Variants in GABRB3 observed in about 807,000 individuals in gnomAD.
GABRB3 encodes the protein gamma-aminobutyric acid receptor subunit beta-3.
GABRB3 carries 14 observed loss-of-function variants against 52.1 expected under a neutral mutation model. That is an observed-to-expected ratio of 0.27 (90% CI 0.18 to 0.42). GABRB3 has a LOEUF of 0.42. GABRB3 is among the 10% of genes least tolerant of loss of function. The pLI is 1.00. For synonymous variants in GABRB3, 260 were observed against 232.3 expected (o/e 1.12, Z -1.08); for missense variants, 307 against 609.1 (o/e 0.50, Z 5.22).
At chr15:26,701,608 T>C (rs1486980603) in intron 3 of GABRB3, among the ~76,000 whole-genome samples, 3 of 152,206 alleles carry the variant, frequency 2.0e-5, no homozygotes, top group East Asian at 1.9e-4. Context: ...TGGAGAGATA[T>C]GCCATGTTCA....
chr15:26,629,891 A>G (rs569031451), intron 3 of GABRB3, among the ~76,000 whole-genome samples: 48 of 152,244 alleles, frequency 3.2e-4, no homozygotes, highest in African/African-American at 1.0e-3. Flanking sequence ...ACGTGTCTCC[A>G]TAGCCCTGGG....
At chr15:26,591,752 T>C (rs1200215434) in intron 4 of GABRB3, among the ~76,000 whole-genome samples, 3 of 151,898 alleles carry the variant, frequency 2.0e-5, no homozygotes, top group Admixed American at 6.6e-5. Flanking sequence ...CACTTGGGGG[T>C]TTCACAATCT....
At chr15:26,679,258 T>C (rs1888164115) in intron 3 of GABRB3, among the ~76,000 whole-genome samples, 2 of 152,322 alleles carry the variant, frequency 1.3e-5, no homozygotes, top group East Asian at 3.9e-4. Flanking sequence ...CCTCACTCAC[T>C]GAGCAATGTG....
chr15:26,773,324 CG>C (rs1056274349), upstream of GABRB3, among the ~76,000 whole-genome samples: 122 of 150,706 alleles, frequency 8.1e-4, no homozygotes, highest in African/African-American at 2.7e-3. Context: ...CCGCGGAGTG[CG>C]GGGGCGACCT....
At chr15:26,623,261 G>T (rs1892556989) in intron 3 of GABRB3, among the ~76,000 whole-genome samples, 1 of 152,198 alleles carries the variant, frequency 6.6e-6, no homozygotes, top group Admixed American at 6.5e-5. Flanking sequence ...AGTCAGGCTA[G>T]ACCCCAGGGC....
upstream of GABRB3, chr15:26,773,098 G>T: frequency 1.1e-6 from 1 of 873,522 alleles, no homozygotes; most frequent in Non-Finnish European, 1.4e-6. Flanking sequence ...GAGGGGGAGG[G>T]GAGGAGGGGG....
rs971806720 is a variant in GABRB3, at chr15:26,546,498, C to T, written c.*1295G>A. ...TTTGCCTCAGAGAACGGTCATGGGT[C>T]GTTGGGTGACGCGTGGTGTGTACGG... On this transcript the variant is annotated 3_prime_UTR_variant, in exon 9 of 9. Transcript: ENST00000311550. 2.0e-5 allele frequency: 3 copies of T among 152,382 alleles called. No homozygotes were observed. The highest frequency in any genetic ancestry group is 7.3e-5 in the African/African-American group (3 of 41,372). The allele number at this position is 152,382 out of a possible 1,614,324, so 9.4% of individuals were successfully genotyped here. A position where few individuals can be genotyped will look rare whatever the true frequency, so the allele number is the denominator to read the frequency against.
chr15:26,695,771 T>C (rs1479856854), intron 3 of GABRB3, among the ~76,000 whole-genome samples: 1 of 152,204 alleles, frequency 6.6e-6, no homozygotes, highest in South Asian at 2.1e-4. Flanking sequence ...GTTTGGTGAC[T>C]ACAGCTTCTG....
chr15:26,572,265 G>A (rs942069503), intron 6 of GABRB3, among the ~76,000 whole-genome samples: 1 of 152,162 alleles, frequency 6.6e-6, no homozygotes, highest in Non-Finnish European at 1.5e-5. Flanking sequence ...AAGCTGTGGC[G>A]TGCACTATCC....
intron 3 of GABRB3, among the ~76,000 whole-genome samples, chr15:26,753,408 A>C (rs1435111827): frequency 6.6e-6 from 1 of 152,242 alleles, no homozygotes; most frequent in South Asian, 2.1e-4. Context: ...CTGGGAAAAA[A>C]GGAGCGGTCT....
intron 3 of GABRB3, among the ~76,000 whole-genome samples, chr15:26,667,329 T>C (rs1363703732): frequency 1.3e-5 from 2 of 152,244 alleles, no homozygotes; most frequent in East Asian, 1.9e-4. Context: ...TTATTTCTAG[T>C]AGGATCTGGG....
At chr15:26,576,748 C>A (rs1890609204) in intron 6 of GABRB3, among the ~76,000 whole-genome samples, 1 of 152,090 alleles carries the variant, frequency 6.6e-6, no homozygotes, top group Non-Finnish European at 1.5e-5. Context: ...ACTAAGGGGG[C>A]AGGCACTGGA....
intron 3 of GABRB3, among the ~76,000 whole-genome samples, chr15:26,735,319 A>G (rs1890036942): frequency 6.6e-6 from 1 of 152,248 alleles, no homozygotes; most frequent in Non-Finnish European, 1.5e-5. Flanking sequence ...GCCAATATGG[A>G]AAACAGTGTG....
intron 3 of GABRB3, among the ~76,000 whole-genome samples, chr15:26,690,427 T>C (rs1888552008): frequency 6.6e-6 from 1 of 152,040 alleles, no homozygotes; most frequent in Admixed American, 6.6e-5. Context: ...ACAAATACAT[T>C]GGAGGCACTA....
Position 26,618,690 on chromosome 15 carries a change from T to C in GABRB3, c.461+2624A>G, listed in dbSNP as rs531168917. ...ATGGGATCTAATTAAACTAAAGAGC[T>C]TCTGCATAGCAAAAGAAACTACCAT... is the stretch of plus-strand genomic sequence containing the variant. On this transcript the variant is annotated intron_variant, in intron 4 of 8. Coordinates refer to ENST00000311550, the MANE Select transcript of GABRB3 (RefSeq NM_000814.6). Among the ~76,000 whole-genome samples the C allele has an allele frequency of 3.1e-3, 476 of 152,108 alleles. 3 individuals are homozygous for C. The highest frequency in any genetic ancestry group is 0.011 in the African/African-American group (449 of 41,482).
chr15:26,658,542 C>A (rs2140605377), intron 3 of GABRB3: 1 of 152,324 alleles, frequency 6.6e-6, no homozygotes, highest in African/African-American at 2.4e-5. Context: ...TTCTCATAAT[C>A]AACTGGATAT....
At chr15:26,736,300 C>A (rs1181265759) in intron 3 of GABRB3, among the ~76,000 whole-genome samples, 1 of 152,206 alleles carries the variant, frequency 6.6e-6, no homozygotes, top group Non-Finnish European at 1.5e-5. Context: ...AAGGCACTAT[C>A]ATTGGCAGAA....
chr15:26,681,078 T>C (rs1305040041), intron 3 of GABRB3, among the ~76,000 whole-genome samples: 1 of 152,216 alleles, frequency 6.6e-6, no homozygotes, highest in Non-Finnish European at 1.5e-5. Context: ...CTTTTAAAAA[T>C]CGTATTGCTC....
At chr15:26,726,193 A>G (rs1446544685) in intron 3 of GABRB3, among the ~76,000 whole-genome samples, 1 of 151,728 alleles carries the variant, frequency 6.6e-6, no homozygotes, top group Admixed American at 6.6e-5. Context: ...CAGATGTGAA[A>G]TTTTCCACTT....
Sources: gnomAD v4.1 joint callset for allele counts (sites outside exome capture counted in the v4.1 genomes callset) on GRCh38, gnomAD v4.1.1 for gene constraint, MANE v1.5 for transcripts, NCBI Gene and HGNC (gene_info 2026-07-23, HGNC 2026-07-21) for gene names.